NCAM2: variants seen among roughly 807,000 people sequenced by gnomAD.
NCAM2 encodes the protein neural cell adhesion molecule 2.
NCAM2 carries 30 observed loss-of-function variants against 98.1 expected under a neutral mutation model. That is an observed-to-expected ratio of 0.31 (90% CI 0.23 to 0.41). NCAM2 has a LOEUF of 0.41. NCAM2 is among the 10% of genes least tolerant of loss of function. The pLI is 1.00. For missense variants in NCAM2, 867 were observed against 1,005.8 expected (o/e 0.86, Z 1.87); for synonymous variants, 368 against 342.4 (o/e 1.07, Z -0.83).
chr21:21,183,305 G>A (rs535212567), intron 1 of NCAM2, among the ~76,000 whole-genome samples: 1 of 152,228 alleles, frequency 6.6e-6, no homozygotes, highest in East Asian at 1.9e-4. Flanking sequence ...CTTGTGGTTT[G>A]ACTTCAGAAG....
intron 1 of NCAM2, among the ~76,000 whole-genome samples, chr21:21,229,298 G>A (rs985635003): frequency 6.6e-6 from 1 of 151,574 alleles, no homozygotes; most frequent in Admixed American, 6.6e-5. Context: ...TAGTAAATAC[G>A]AAGTTATAGA....
At chr21:21,046,473 C>A (rs1440619674) in intron 1 of NCAM2, among the ~76,000 whole-genome samples, 2 of 152,184 alleles carry the variant, frequency 1.3e-5, no homozygotes, top group African/African-American at 4.8e-5. Context: ...ACATTTAAAT[C>A]TCAAATTTCC....
At chr21:21,436,148 T>C (rs1978320129) in intron 12 of NCAM2, among the ~76,000 whole-genome samples, 1 of 152,266 alleles carries the variant, frequency 6.6e-6, no homozygotes, top group African/African-American at 2.4e-5. Flanking sequence ...CATAATTATA[T>C]TTACTGTAAA....
At chr21:21,148,992 A>G (rs1043896266) in intron 1 of NCAM2, among the ~76,000 whole-genome samples, 1 of 152,140 alleles carries the variant, frequency 6.6e-6, no homozygotes, top group Non-Finnish European at 1.5e-5. Context: ...TTTCAAATTT[A>G]ATGATTATAG....
intron 8 of NCAM2, among the ~76,000 whole-genome samples, chr21:21,369,458 G>A (rs947832873): frequency 1.3e-5 from 2 of 151,632 alleles, no homozygotes; most frequent in African/African-American, 4.8e-5. Context: ...TTTTTGTGTG[G>A]ACATATATCT....
chr21:21,091,111 C>G (rs2066003579), intron 1 of NCAM2, among the ~76,000 whole-genome samples: 1 of 152,088 alleles, frequency 6.6e-6, no homozygotes, highest in African/African-American at 2.4e-5. Context: ...CGATGCTTGG[C>G]ACATACATAA....
At chr21:21,314,181 C>T (rs1482730603) in intron 5 of NCAM2, among the ~76,000 whole-genome samples, 2 of 152,018 alleles carry the variant, frequency 1.3e-5, no homozygotes, top group East Asian at 1.9e-4. Flanking sequence ...TTTTAGAAGG[C>T]GCCTTGAGCA....
intron 5 of NCAM2, among the ~76,000 whole-genome samples, chr21:21,318,081 A>G (rs1356931521): frequency 1.3e-5 from 2 of 152,222 alleles, no homozygotes; most frequent in African/African-American, 4.8e-5. Flanking sequence ...ATCTGCACAC[A>G]GATACATGGT....
intron 1 of NCAM2, among the ~76,000 whole-genome samples, chr21:21,022,329 A>G (rs927749703): frequency 1.3e-5 from 2 of 152,246 alleles, no homozygotes; most frequent in Admixed American, 6.5e-5. Context: ...TCAATACTTT[A>G]CTTCCAGATT....
intron 12 of NCAM2, among the ~76,000 whole-genome samples, chr21:21,440,973 C>G (rs2146079552): frequency 6.6e-6 from 1 of 152,252 alleles, no homozygotes; most frequent in Non-Finnish European, 1.5e-5. Context: ...ATTTAAATGA[C>G]TCGAATTAGC....
At chr21:21,457,249 T>C (rs910533986) in intron 12 of NCAM2, among the ~76,000 whole-genome samples, 1 of 152,208 alleles carries the variant, frequency 6.6e-6, no homozygotes, top group African/African-American at 2.4e-5. Context: ...AAGAGAATTC[T>C]GTTGATACAA....
At chr21:21,383,744 A>T (rs1420610746) in intron 9 of NCAM2, among the ~76,000 whole-genome samples, 1 of 152,122 alleles carries the variant, frequency 6.6e-6, no homozygotes, top group Non-Finnish European at 1.5e-5. Context: ...TATATTTGGT[A>T]TGTCTAGTGT....
chr21:21,332,125 T>A (rs1338869666), intron 6 of NCAM2, among the ~76,000 whole-genome samples: 3 of 151,600 alleles, frequency 2.0e-5, no homozygotes, highest in Admixed American at 6.6e-5. Context: ...GGCTGATCTG[T>A]AACTCCTGAC....
intron 16 of NCAM2, among the ~76,000 whole-genome samples, chr21:21,517,751 G>A (rs574101607): frequency 2.6e-5 from 4 of 152,132 alleles, no homozygotes; most frequent in East Asian, 1.9e-4. Context: ...CCAGCTACTC[G>A]GGAGGCTGAG....
chr21:21,280,627 A>T lies in NCAM2; in HGVS notation c.105A>T (p.Gly35=), dbSNP rs768169553. ...ISLSKVELSV[G]ESKFFTCTAI... ...TTAGCAAAGTAGAGCTTAGTGTTGGAGAATCTAAATTCTTCACATGTACAG... is the reference window on the plus strand; with the variant it reads ...TTAGCAAAGTAGAGCTTAGTGTTGGTGAATCTAAATTCTTCACATGTACAG... The change falls in exon 2 of 18, where the codon GGA becomes GGT. Residue 35 remains glycine, a synonymous_variant. Coordinates refer to ENST00000400546, the MANE Select transcript of NCAM2 (RefSeq NM_004540.5). The T allele has an allele frequency of 1.0e-5, 16 of 1,598,692 alleles. No individual in the cohort carries two copies. The South Asian group carries it at 1.8e-4, about 18-fold the overall frequency.
intron 1 of NCAM2, among the ~76,000 whole-genome samples, chr21:21,093,809 G>A (rs2066062912): frequency 6.6e-6 from 1 of 151,968 alleles, no homozygotes; most frequent in Non-Finnish European, 1.5e-5. Flanking sequence ...ACTGACATTG[G>A]AGTCTAGGCT....
At chr21:21,196,875 C>T (rs2069022598) in intron 1 of NCAM2, among the ~76,000 whole-genome samples, 4 of 152,268 alleles carry the variant, frequency 2.6e-5, no homozygotes, top group South Asian at 4.2e-4. Context: ...GATTTAACAT[C>T]GTCCCCTTCA....
chr21:21,233,004 T>C (rs533736007), intron 1 of NCAM2, among the ~76,000 whole-genome samples: 1 of 151,796 alleles, frequency 6.6e-6, no homozygotes, highest in South Asian at 2.1e-4. Context: ...TTGCTTTTCC[T>C]GAAATGTTAA....
chr21:21,031,828 ACT>A (rs1445964779), intron 1 of NCAM2, among the ~76,000 whole-genome samples: 37 of 141,262 alleles, frequency 2.6e-4, no homozygotes, highest in South Asian at 4.7e-4. Flanking sequence ...ACACACACAC[ACT>A]CACACACACG....
Sources: allele counts gnomAD v4.1 joint callset (sites outside exome capture counted in the v4.1 genomes callset), GRCh38; gene constraint gnomAD v4.1.1; transcripts MANE v1.5; gene names NCBI Gene and HGNC (gene_info 2026-07-23, HGNC 2026-07-21).